Variants in AMPH observed in about 807,000 individuals in gnomAD.
The protein encoded by AMPH is amphiphysin, also known as amphiphysin (Stiff-Mann syndrome with breast cancer 128kD autoantigen).
In AMPH, 49 loss-of-function variants were observed where a neutral mutation model predicts 99.1. The ratio of observed to expected loss-of-function variants is 0.49; its 90% CI spans 0.39 to 0.63. The LOEUF (loss-of-function observed/expected upper bound fraction) is 0.63. Among genes scored for constraint, AMPH ranks in the 20% least tolerant of loss-of-function variants. The probability of loss-of-function intolerance (pLI) is 0.00; values close to 1 mark genes in which losing one functional copy is unlikely to be tolerated. For synonymous variants in AMPH, 314 were observed against 317.3 expected, an observed-to-expected ratio of 0.99 and a Z score of 0.11; for missense variants, 759 against 863.4, an observed-to-expected ratio of 0.88 and a Z score of 1.52.
chr7:38,430,868 A>C (rs1785991031), intron 13 of AMPH, among the ~76,000 whole-genome samples: 1 of 152,268 alleles, frequency 6.6e-6, no homozygotes, highest in Non-Finnish European at 1.5e-5. Context: ...CTGCAACTGC[A>C]GAAGGAAGGG....
intron 2 of AMPH, among the ~76,000 whole-genome samples, chr7:38,507,282 C>T (rs1161777885): frequency 6.6e-6 from 1 of 151,996 alleles, no homozygotes; most frequent in Non-Finnish European, 1.5e-5. Context: ...ACAATAATTG[C>T]TTAATAAATG....
At chr7:38,441,815 A>AAC (rs1786544724) in intron 11 of AMPH, among the ~76,000 whole-genome samples, 1 of 87,746 alleles carries the variant, frequency 1.1e-5, no homozygotes, top group Non-Finnish European at 2.4e-5. Flanking sequence ...TATATCATAT[A>AAC]TATCATATAT....
chr7:38,496,439 G>A (rs1788935034), intron 3 of AMPH, among the ~76,000 whole-genome samples: 1 of 152,134 alleles, frequency 6.6e-6, no homozygotes, highest in African/African-American at 2.4e-5. Flanking sequence ...GCCTACATGA[G>A]CTGAAGAGAC....
chr7:38,396,938 G>A (rs2128977408), intron 17 of AMPH, among the ~76,000 whole-genome samples: 1 of 152,328 alleles, frequency 6.6e-6, no homozygotes, highest in South Asian at 2.1e-4. Flanking sequence ...ATAAACTTAT[G>A]AGCTCAAATG....
At chr7:38,544,343 G>GGACA (rs1790918623) in intron 1 of AMPH, among the ~76,000 whole-genome samples, 2 of 152,166 alleles carry the variant, frequency 1.3e-5, no homozygotes, top group South Asian at 4.1e-4. Context: ...AGGCCAAAGA[G>GGACA]GACATCCCCT....
intron 3 of AMPH, among the ~76,000 whole-genome samples, chr7:38,496,575 C>T (rs1788941076): frequency 6.6e-6 from 1 of 152,126 alleles, no homozygotes; most frequent in South Asian, 2.1e-4. Context: ...GGAGACAAAA[C>T]CTGAATCCAA....
intron 5 of AMPH, among the ~76,000 whole-genome samples, chr7:38,479,189 A>G (rs540654806): frequency 3.9e-5 from 6 of 152,244 alleles, no homozygotes; most frequent in African/African-American, 1.4e-4. Flanking sequence ...CTTAACATCA[A>G]GAATAAAAGA....
chr7:38,392,103 CCCAAA>C, intron 18 of AMPH, 86 bp from the exon 19 acceptor site: 2 of 1,423,852 alleles, frequency 1.4e-6, no homozygotes, highest in Non-Finnish European at 1.9e-6. Context: ...TAGCCCCCAG[CCCAAA>C]GCTGGGGCTG....
chr7:38,556,298 G>A (rs1029929099), intron 1 of AMPH, among the ~76,000 whole-genome samples: 2 of 152,122 alleles, frequency 1.3e-5, no homozygotes, highest in African/African-American at 4.8e-5. Flanking sequence ...AAGCACTGAT[G>A]TGAGCATTGC....
At chr7:38,576,161 C>T (rs1792233568) in intron 1 of AMPH, among the ~76,000 whole-genome samples, 1 of 152,150 alleles carries the variant, frequency 6.6e-6, no homozygotes, top group South Asian at 2.1e-4. Context: ...TCGCAACATG[C>T]CTTTGATGTA....
chr7:38,407,048 C>CTCTCTCTCTATATATA (rs1241166935), intron 17 of AMPH, among the ~76,000 whole-genome samples: 1 of 31,260 alleles, frequency 3.2e-5, no homozygotes. Context: ...CTCTCTCTCT[C>CTCTCTCTCTATATATA]TATATATATA....
chr7:38,584,542 C>T (rs1792578441), intron 1 of AMPH, among the ~76,000 whole-genome samples: 1 of 152,198 alleles, frequency 6.6e-6, no homozygotes, highest in Admixed American at 6.5e-5. Context: ...CCCCTGAAGG[C>T]AGTTATTCTG....
chr7:38,462,863 C>G, intron 10 of AMPH, 112 bp downstream of exon 10: 1 of 1,193,034 alleles, frequency 8.4e-7, no homozygotes, highest in Non-Finnish European at 1.1e-6. Flanking sequence ...ACATCTCAGT[C>G]TCCCTAACTG....
chr7:38,507,913 C>T (rs1190174511), intron 2 of AMPH, among the ~76,000 whole-genome samples: 4 of 152,072 alleles, frequency 2.6e-5, no homozygotes, highest in East Asian at 1.9e-4. Context: ...GAAGGTGCAA[C>T]GGGTGTGGGA....
intron 12 of AMPH, among the ~76,000 whole-genome samples, chr7:38,433,755 G>T (rs1209194254): frequency 2.2e-5 from 3 of 139,256 alleles, no homozygotes; most frequent in Non-Finnish European, 4.7e-5. Flanking sequence ...AAGAATCAAA[G>T]ATCATAAAAG....
chr7:38,509,330 G>C (rs1789450667), intron 2 of AMPH, among the ~76,000 whole-genome samples: 1 of 152,164 alleles, frequency 6.6e-6, no homozygotes, highest in Admixed American at 6.5e-5. Context: ...TTTTATCCAA[G>C]ATTCGTGGCC....
intron 7 of AMPH, among the ~76,000 whole-genome samples, chr7:38,471,000 C>T (rs1430160406): frequency 3.3e-5 from 5 of 152,046 alleles, no homozygotes; most frequent in African/African-American, 9.7e-5. Context: ...ACTGCCTTTC[C>T]CTGTCCTTCA....
chr7:38,461,753 C>T (rs1787455812), intron 10 of AMPH, among the ~76,000 whole-genome samples: 1 of 152,210 alleles, frequency 6.6e-6, no homozygotes, highest in Non-Finnish European at 1.5e-5. Flanking sequence ...AATAATTTCT[C>T]ATTTTGGAAA....
intron 1 of AMPH, among the ~76,000 whole-genome samples, chr7:38,592,746 A>G (rs1362789336): frequency 6.6e-6 from 1 of 151,962 alleles, no homozygotes; most frequent in East Asian, 1.9e-4. Flanking sequence ...AAAAAAAAAA[A>G]AATCAGTTTC....
Sources: gnomAD v4.1 joint callset for allele counts (sites outside exome capture counted in the v4.1 genomes callset) on GRCh38, gnomAD v4.1.1 for gene constraint, MANE v1.5 for transcripts, NCBI Gene and HGNC (gene_info 2026-07-23, HGNC 2026-07-21) for gene names.